GLI3: variants seen among roughly 807,000 people sequenced by gnomAD.
GLI3 encodes the protein GLI family zinc finger 3.
In GLI3, 20 loss-of-function variants were observed where a neutral mutation model predicts 100.8. The ratio of observed to expected loss-of-function variants is 0.20; its 90% CI spans 0.14 to 0.29. The LOEUF is 0.29. Ranked by LOEUF, GLI3 falls within the 10% of genes least tolerant of loss-of-function variation. GLI3 has a pLI of 1.00. For missense variants in GLI3, 2,040 were observed against 2,128.5 expected, an observed-to-expected ratio of 0.96 and a Z score of 0.82; for synonymous variants, 938 against 860.5, an observed-to-expected ratio of 1.09 and a Z score of -1.58.
At chr7:42,082,315 G>A (rs1460487313) in intron 3 of GLI3, among the ~76,000 whole-genome samples, 2 of 152,064 alleles carry the variant, frequency 1.3e-5, no homozygotes, top group Admixed American at 6.6e-5. Context: ...TCAGTGCACT[G>A]TGGGAGGCCA....
Position 41,966,324 on chromosome 7 carries a change from T to G in GLI3, c.2749A>C (p.Ser917Arg). The change falls in exon 15 of 15, where the codon AGC becomes CGC. Residue 917 changes from serine (S) to arginine (R), a missense_variant. By Grantham distance (110) the Ser-to-Arg change is moderately radical (BLOSUM62 -1). Coordinates refer to ENST00000395925, the MANE Select transcript of GLI3 (RefSeq NM_000168.6). The surrounding 1 kb of genome is among the most constrained non-coding windows in gnomAD (Gnocchi z 5.8). Reference sequence around the variant, plus strand: ...TGGGCGGGCGTGAGGCTGAGCAGGCTGGGCAGGCCGTCGCTCTGGCTGGCT... The same window carrying G: ...TGGGCGGGCGTGAGGCTGAGCAGGCGGGGCAGGCCGTCGCTCTGGCTGGCT... Reference protein sequence around the residue: ...SEASQSDGLPSLLSLTPAQQY... With the variant: ...SEASQSDGLPRLLSLTPAQQY... 6.2e-7 allele frequency: 1 copy of G among 1,607,740 alleles called. No homozygotes were observed. Among genetic ancestry groups the G allele is most frequent in the Non-Finnish European group, 8.5e-7 (1 of 1,179,162 alleles).
At chr7:41,970,183 G>A (rs571943667) in intron 13 of GLI3, among the ~76,000 whole-genome samples, 149 of 152,226 alleles carry the variant, frequency 9.8e-4, no homozygotes, top group South Asian at 1.7e-3. Flanking sequence ...CTTAGGAAGT[G>A]AGAACAAGAC....
chr7:41,994,937 G>C (rs1035032603), intron 10 of GLI3, among the ~76,000 whole-genome samples: 4 of 152,272 alleles, frequency 2.6e-5, no homozygotes, highest in South Asian at 2.1e-4. Flanking sequence ...TATTAATTTA[G>C]TGTGGTTATA....
At chr7:42,109,063 A>G (rs533456452) in intron 3 of GLI3, among the ~76,000 whole-genome samples, 173 of 152,204 alleles carry the variant, frequency 1.1e-3, no homozygotes, top group South Asian at 3.1e-3. Context: ...CAGCCCATCA[A>G]TGCATCTTAG....
chr7:42,238,121 C>T (rs150261808), upstream of GLI3, among the ~76,000 whole-genome samples: 3,909 of 151,436 alleles, frequency 0.026, 59 homozygotes, highest in South Asian at 0.037. Context: ...CCGCGCCCTC[C>T]CGGCGCGCCG....
chr7:41,999,908 C>G (rs931123274), intron 10 of GLI3, among the ~76,000 whole-genome samples: 1 of 152,184 alleles, frequency 6.6e-6, no homozygotes, highest in East Asian at 1.9e-4. Flanking sequence ...GGCCTCAGAC[C>G]AGCAGGGGAA....
rs1787188419 is a variant in GLI3, at chr7:41,966,489, G to A, written c.2584C>T (p.Arg862Cys). 2 of 1,613,224 alleles carry A rather than the reference G, an allele frequency of 1.2e-6. No individual in the cohort carries two copies. The highest frequency in any genetic ancestry group is 1.7e-6 in the Non-Finnish European group (2 of 1,179,830). Residue 862 changes from arginine to cysteine, a missense_variant, in exon 15 of 15, where the codon CGC becomes TGC. Around this residue, in one of 5 missense-constraint regions of GLI3, gnomAD observed 327 missense variants for 338.7 expected, o/e 0.97. Coordinates refer to ENST00000395925, the MANE Select transcript of GLI3 (RefSeq NM_000168.6). The surrounding 1 kb of genome is among the most constrained non-coding windows in gnomAD (Gnocchi z 5.8). ...STISSAYLSS[R>C]RSSGISPCFS... ...CAGGGCGAGATCCCTGAGGAGCGGC[G>A]GCTGCTCAGGTAGGCCGAGCTGATG...
chr7:42,250,029 A>G (rs1233917658), intron 1 of GLI3, among the ~76,000 whole-genome samples: 1 of 152,100 alleles, frequency 6.6e-6, no homozygotes, highest in Non-Finnish European at 1.5e-5. Context: ...CAGGAGGTCA[A>G]GGCTGCAGTG....
rs534571653 is a variant in GLI3, at chr7:42,068,351, C to G, written c.473+8401G>C. Among the ~76,000 whole-genome samples, 18 of 152,328 alleles carry G rather than the reference C, an allele frequency of 1.2e-4. No individual in the cohort carries two copies. The South Asian group carries it at 2.9e-3, about 25-fold the overall frequency. Reference sequence around the variant, plus strand: ...TCTGGTCTGCCTTTTGCAAAGTCCACATCAAAACTAAAAATGGCCAAGATT... The same window carrying G: ...TCTGGTCTGCCTTTTGCAAAGTCCAGATCAAAACTAAAAATGGCCAAGATT... On this transcript the variant is annotated intron_variant, in intron 4 of 14. Coordinates refer to ENST00000395925, the MANE Select transcript of GLI3 (RefSeq NM_000168.6).
intron 4 of GLI3, among the ~76,000 whole-genome samples, chr7:42,060,488 C>T (rs1458661736): frequency 6.6e-6 from 1 of 152,026 alleles, no homozygotes; most frequent in African/African-American, 2.4e-5. Flanking sequence ...AGTTTTAGTT[C>T]AGCAACTTCA....
At chr7:42,214,236 C>T (rs1435902791) in intron 2 of GLI3, among the ~76,000 whole-genome samples, 1 of 152,178 alleles carries the variant, frequency 6.6e-6, no homozygotes, top group East Asian at 1.9e-4. Flanking sequence ...AATCAAGAGA[C>T]TTTCTGGTCC....
chr7:42,228,089 G>A (rs1187844882), intron 1 of GLI3, among the ~76,000 whole-genome samples: 2 of 152,132 alleles, frequency 1.3e-5, no homozygotes, highest in Non-Finnish European at 2.9e-5. Context: ...CGGCGGCGGC[G>A]CGGTGGGTTC....
Position 42,186,185 on chromosome 7 carries a change from C to G in GLI3, c.124+36945G>C, listed in dbSNP as rs528432935. On this transcript the variant is annotated intron_variant, in intron 2 of 14. Coordinates refer to ENST00000395925, the MANE Select transcript of GLI3 (RefSeq NM_000168.6). The stretch of plus-strand genomic sequence containing the variant: ...TCCTCTCAACAACTTTCCCTGACAA[C>G]CCTCCTCCAATCAAATAATTTCATA... 8.1e-4 allele frequency among the ~76,000 whole-genome samples: 124 copies of G among 152,320 alleles called. 1 individual carries two copies. The highest frequency in any genetic ancestry group is 1.0e-3 in the South Asian group (5 of 4,818).
In GLI3 at chr7:41,972,399, T is replaced by C. The variant is rs1293732858; in HGVS notation, c.2041A>G (p.Asn681Asp). 6.2e-7 allele frequency: 1 copy of C among 1,614,042 alleles called. No individual in the cohort carries two copies. The highest frequency in any genetic ancestry group is 1.7e-5 in the Admixed American group (1 of 60,012). Reference sequence around the variant, plus strand: ...CATTCTTCCCGCTTTGAGGTAGTGTTGCTGAGGTCCTGCTGCTCACCAAGG... The same window carrying C: ...CATTCTTCCCGCTTTGAGGTAGTGTCGCTGAGGTCCTGCTGCTCACCAAGG... ...GALGEQQDLS[N>D]TTSKREECLQ... Residue 681 changes from asparagine to aspartate, a missense_variant, in exon 13 of 15, where the codon AAC becomes GAC. By Grantham distance (23) the Asn-to-Asp change is conservative. This residue lies in a region of GLI3 where 327 missense variants were observed against 338.7 expected (regional missense o/e 0.97). Transcript: ENST00000395925. The surrounding 1 kb of genome is among the most constrained non-coding windows in gnomAD (Gnocchi z 4.4).
chr7:42,183,575 T>C (rs79066319), intron 2 of GLI3, among the ~76,000 whole-genome samples: 11,186 of 152,146 alleles, frequency 0.074, 437 homozygotes, highest in Middle Eastern at 0.099. Flanking sequence ...TTACAGGAAG[T>C]GAGTTTAGTT....
At chr7:42,040,511 T>C (rs1784112613) in intron 6 of GLI3, among the ~76,000 whole-genome samples, 1 of 152,168 alleles carries the variant, frequency 6.6e-6, no homozygotes. Flanking sequence ...TTTTTATGTG[T>C]TATCCCTTTC....
intron 2 of GLI3, among the ~76,000 whole-genome samples, chr7:42,184,430 G>T (rs867957197): frequency 6.6e-6 from 1 of 152,106 alleles, no homozygotes; most frequent in African/African-American, 2.4e-5. Context: ...ATTCCACCTG[G>T]TACCTTCATG....
chr7:42,038,386 C>A (rs879558454), intron 7 of GLI3, among the ~76,000 whole-genome samples: 12 of 152,208 alleles, frequency 7.9e-5, no homozygotes, highest in Admixed American at 3.9e-4. Flanking sequence ...CAGATCCACA[C>A]CAGCTTTAGT....
Position 42,236,509 on chromosome 7 carries a change from TC to T in GLI3, c.-43+461del, listed in dbSNP as rs752821954. 2.8e-3 allele frequency among the ~76,000 whole-genome samples: 420 copies of T among 151,404 alleles called. 3 individuals carry two copies. Among genetic ancestry groups the T allele is most frequent in the Non-Finnish European group, 4.5e-3 (304 of 67,840 alleles). The stretch of plus-strand genomic sequence containing the variant: ...GCGGCGGCGGCCCCCGCGGCGGAGG[TC>T]CCCGCGCGCACCCACCATGCCTCCC... On this transcript the variant is annotated intron_variant, in intron 1 of 14. Coordinates refer to ENST00000395925, the MANE Select transcript of GLI3 (RefSeq NM_000168.6).
Sources: gnomAD v4.1 joint callset for allele counts (sites outside exome capture counted in the v4.1 genomes callset) on GRCh38, gnomAD v4.1.1 for gene constraint, gnomAD v4.1.1 regional missense constraint, Gnocchi (gnomAD v3.1) non-coding constraint, MANE v1.5 for transcripts, NCBI Gene and HGNC (gene_info 2026-07-23, HGNC 2026-07-21) for gene names.